CTNNA2: variants seen among roughly 807,000 people sequenced by gnomAD.
CTNNA2 encodes the protein catenin alpha-2.
A neutral mutation model predicts 101.0 loss-of-function variants in CTNNA2; 42 were observed. The observed-to-expected ratio is 0.42, with a 90% confidence interval of 0.32 to 0.54. The LOEUF (loss-of-function observed/expected upper bound fraction) is 0.54, where lower values mean the gene tolerates loss of function less well. Ranked by LOEUF, CTNNA2 falls within the 20% of genes least tolerant of loss-of-function variation. The probability of loss-of-function intolerance (pLI) is 0.14; values close to 1 mark genes in which losing one functional copy is unlikely to be tolerated. For synonymous variants in CTNNA2, 450 were observed against 456.4 expected (o/e 0.99, Z 0.18); for missense variants, 871 against 1,223.1 (o/e 0.71, Z 4.29).
chr2:79,933,988 T>G (rs1430934166), intron 7 of CTNNA2, among the ~76,000 whole-genome samples: 1 of 152,170 alleles, frequency 6.6e-6, no homozygotes, highest in Non-Finnish European at 1.5e-5. Flanking sequence ...TAGAAACCAT[T>G]CCAAAATGAA....
intron 3 of CTNNA2, among the ~76,000 whole-genome samples, chr2:79,759,361 C>T (rs1434660931): frequency 1.3e-5 from 2 of 151,692 alleles, no homozygotes; most frequent in Admixed American, 6.6e-5. Context: ...CCACTGCACT[C>T]CAGCCTGGGT....
chr2:80,595,475 C>T (rs1211366821), intron 15 of CTNNA2, among the ~76,000 whole-genome samples: 1 of 152,052 alleles, frequency 6.6e-6, no homozygotes, highest in East Asian at 1.9e-4. Context: ...TTTAACTTGC[C>T]TGATTGCACT....
At chr2:79,782,421 G>C (rs2861909) in intron 3 of CTNNA2, among the ~76,000 whole-genome samples, 1 of 151,794 alleles carries the variant, frequency 6.6e-6, no homozygotes. Context: ...ATTTTTAGTA[G>C]ATACAGGGTT....
intron 12 of CTNNA2, among the ~76,000 whole-genome samples, chr2:80,560,615 A>C (rs11892226): frequency 0.019 from 2,938 of 152,256 alleles, 104 homozygotes; most frequent in African/African-American, 0.068. Flanking sequence ...GGCCTTCATT[A>C]TTCTCCAGGC....
At chr2:80,382,410 A>G (rs936650696) in intron 7 of CTNNA2, among the ~76,000 whole-genome samples, 4 of 152,204 alleles carry the variant, frequency 2.6e-5, no homozygotes, top group African/African-American at 7.2e-5. Context: ...CAGGATAGTA[A>G]TGATGCAGCT....
rs1676381550 is a variant in CTNNA2, at chr2:80,302,164, C to G, written c.1057-91047C>G. On this transcript the variant is annotated intron_variant, in intron 7 of 18. Coordinates refer to ENST00000402739, the MANE Select transcript of CTNNA2 (RefSeq NM_001282597.3). This position sits in a 1 kb window ranked among gnomAD's most constrained non-coding sequence, Gnocchi z 6.4. ...GTCAAGGAGCATATCAGAGCACAGACAAGGAGACCCCAGCCTGGTGCCCGC... is the reference window on the plus strand; with the variant it reads ...GTCAAGGAGCATATCAGAGCACAGAGAAGGAGACCCCAGCCTGGTGCCCGC... The G allele has an allele frequency of 2.0e-6, 3 of 1,513,528 alleles. No individual in the cohort carries two copies. The Admixed American group carries it at 5.9e-5, about 30-fold the overall frequency. 93.8% of individuals were successfully genotyped at this position (1,513,528 alleles called of 1,614,324 possible). A position where few individuals can be genotyped will look rare whatever the true frequency, so the allele number is the denominator to read the frequency against.
At chr2:79,988,483 TG>T (rs1691930421) in intron 7 of CTNNA2, among the ~76,000 whole-genome samples, 1 of 151,430 alleles carries the variant, frequency 6.6e-6, no homozygotes, top group Admixed American at 6.6e-5. Flanking sequence ...TGTGTGTGTG[TG>T]TGTGTGTGTG....
chr2:79,941,042 C>G (rs796509266), intron 7 of CTNNA2, among the ~76,000 whole-genome samples: 2 of 152,292 alleles, frequency 1.3e-5, no homozygotes, highest in African/African-American at 4.8e-5. Context: ...TACTGAGGGA[C>G]TGGTAGTCTT....
At chr2:80,507,936 C>T (rs1427419890) in intron 9 of CTNNA2, among the ~76,000 whole-genome samples, 1 of 151,906 alleles carries the variant, frequency 6.6e-6, no homozygotes, top group Non-Finnish European at 1.5e-5. Context: ...ACGTTAAGCA[C>T]TGTGATTGCT....
intron 1 of CTNNA2, among the ~76,000 whole-genome samples, chr2:79,638,549 G>A (rs140224809): frequency 6.6e-6 from 1 of 152,148 alleles, no homozygotes; most frequent in African/African-American, 2.4e-5. Context: ...AAGGGGCAAG[G>A]CTAATTAAAT....
intron 1 of CTNNA2, among the ~76,000 whole-genome samples, chr2:79,558,321 A>G (rs1448044227): frequency 4.6e-5 from 7 of 151,994 alleles, no homozygotes; most frequent in African/African-American, 9.7e-5. Flanking sequence ...TTTTATATCA[A>G]TAATGCCATC....
At chr2:79,264,223 G>A (rs1322814118) in intron 2 of CTNNA2, among the ~76,000 whole-genome samples, 2 of 152,140 alleles carry the variant, frequency 1.3e-5, no homozygotes, top group African/African-American at 2.4e-5. Context: ...GGTAGGGTGA[G>A]AGCCAGTTGT....
At chr2:79,210,736 G>C (rs1407824555) in intron 2 of CTNNA2, among the ~76,000 whole-genome samples, 1 of 152,142 alleles carries the variant, frequency 6.6e-6, no homozygotes, top group African/African-American at 2.4e-5. Flanking sequence ...GATACCTCCT[G>C]CTGCTGCTGA....
chr2:79,371,648 G>A (rs142194968), intron 3 of CTNNA2, among the ~76,000 whole-genome samples: 1 of 152,122 alleles, frequency 6.6e-6, no homozygotes, highest in African/African-American at 2.4e-5. Flanking sequence ...GAGGAACATG[G>A]TTAAAAATTC....
chr2:79,777,400 A>G (rs1674061326), intron 3 of CTNNA2, among the ~76,000 whole-genome samples: 1 of 149,680 alleles, frequency 6.7e-6, no homozygotes, highest in South Asian at 2.1e-4. Context: ...ATTCATTTGC[A>G]TTCCTTACCA....
intron 1 of CTNNA2, among the ~76,000 whole-genome samples, chr2:79,186,706 A>G (rs893793259): frequency 1.3e-5 from 2 of 152,136 alleles, no homozygotes; most frequent in Admixed American, 6.6e-5. Context: ...TTAAGAGGAA[A>G]CAGTACGCCA....
chr2:79,830,737 A>G (rs1678865519), intron 3 of CTNNA2, among the ~76,000 whole-genome samples: 1 of 152,142 alleles, frequency 6.6e-6, no homozygotes, highest in East Asian at 1.9e-4. Context: ...GGAGGCTGTA[A>G]AAAGAATGGG....
intron 9 of CTNNA2, among the ~76,000 whole-genome samples, chr2:80,433,299 C>T (rs189804107): frequency 3.0e-4 from 45 of 152,198 alleles, no homozygotes; most frequent in African/African-American, 1.0e-3. Context: ...GCCTCATCCC[C>T]GTCTGGGGAA....
intron 3 of CTNNA2, among the ~76,000 whole-genome samples, chr2:79,818,283 C>T (rs1677694909): frequency 1.3e-5 from 2 of 151,918 alleles, no homozygotes; most frequent in Admixed American, 1.3e-4. Context: ...TGTTGTTTTT[C>T]TTGAATGGAT....
Sources: gnomAD v4.1 joint callset for allele counts (sites outside exome capture counted in the v4.1 genomes callset) on GRCh38, gnomAD v4.1.1 for gene constraint, Gnocchi (gnomAD v3.1) non-coding constraint, MANE v1.5 for transcripts, NCBI Gene and HGNC (gene_info 2026-07-23, HGNC 2026-07-21) for gene names.